FBRSL1: variants seen among roughly 807,000 people sequenced by gnomAD.
FBRSL1 encodes fibrosin-1-like protein.
A neutral mutation model predicts 89.6 loss-of-function variants in FBRSL1; 51 were observed. The observed-to-expected ratio is 0.57, with a 90% confidence interval of 0.45 to 0.72. The LOEUF (loss-of-function observed/expected upper bound fraction) is 0.72, where lower values mean the gene tolerates loss of function less well. Among genes scored for constraint, FBRSL1 ranks in the 30% least tolerant of loss-of-function variants. FBRSL1 has a pLI of 0.00. For missense variants in FBRSL1, 1,618 were observed against 1,451.8 expected (o/e 1.11, Z -1.86); for synonymous variants, 779 against 681.1 (o/e 1.14, Z -2.24).
At chr12:132,567,738 G>C (rs2039726277) in intron 6 of FBRSL1, among the ~76,000 whole-genome samples, 1 of 152,146 alleles carries the variant, frequency 6.6e-6, no homozygotes, top group Non-Finnish European at 1.5e-5. Context: ...GCAGGGCCTG[G>C]GCTCCGCTCG....
chr12:132,530,994 T>TGGG (rs55841528), intron 4 of FBRSL1, among the ~76,000 whole-genome samples: 41 of 86,674 alleles, frequency 4.7e-4, no homozygotes, highest in African/African-American at 1.6e-3. Context: ...GTGTCCAGTG[T>TGGG]GGGGGGGGGG....
intron 11 of FBRSL1, among the ~76,000 whole-genome samples, chr12:132,573,037 G>T (rs1056869124): frequency 6.6e-6 from 1 of 152,190 alleles, no homozygotes; most frequent in African/African-American, 2.4e-5. Flanking sequence ...GGGGACCCGG[G>T]CCTTACGGGG....
chr12:132,502,672 C>T (rs969310137), intron 1 of FBRSL1, among the ~76,000 whole-genome samples: 5 of 151,958 alleles, frequency 3.3e-5, no homozygotes, highest in African/African-American at 1.2e-4. Context: ...CTGCAGTCCT[C>T]ACACCAGCCT....
chr12:132,518,012 C>T (rs1023057232), intron 2 of FBRSL1, among the ~76,000 whole-genome samples: 6 of 152,030 alleles, frequency 3.9e-5, no homozygotes, highest in African/African-American at 7.3e-5. Flanking sequence ...CCAGAGCTGG[C>T]GGCACACACC....
At chr12:132,523,040 A>T (rs554169953) in intron 2 of FBRSL1, among the ~76,000 whole-genome samples, 1 of 152,256 alleles carries the variant, frequency 6.6e-6, no homozygotes, top group East Asian at 1.9e-4. Flanking sequence ...GCAGACCACA[A>T]GGCTGGGGTG....
rs184339754 is a variant in FBRSL1 at position 132,581,757 on chromosome 12, G to A, written c.1929G>A (p.Pro643=). ...TGPLTDPFSR[P]STFGGLGSLS... is the part of the protein sequence containing the mutation. ...CCCCCACAGACCCTTTCAGCAGACCGAGCACCTTTGGGGGCCTGGGCAGCC... is the reference window on the plus strand; with the variant it reads ...CCCCCACAGACCCTTTCAGCAGACCAAGCACCTTTGGGGGCCTGGGCAGCC... Residue 643 remains proline, a synonymous_variant, in exon 17 of 19, where the codon CCG becomes CCA. Transcript: ENST00000680143. 388 of 1,550,096 alleles carry A rather than the reference G, an allele frequency of 2.5e-4. 1 individual carries two copies. In the African/African-American group the frequency reaches 4.5e-3, roughly 18 times the overall value.
intron 5 of FBRSL1, among the ~76,000 whole-genome samples, chr12:132,558,415 G>A (rs563833565): frequency 6.6e-6 from 1 of 152,374 alleles, no homozygotes; most frequent in African/African-American, 2.4e-5. Context: ...ACAGGCTTCA[G>A]GGCCCTGTGG....
chr12:132,512,987 G>A (rs756356382), intron 2 of FBRSL1, among the ~76,000 whole-genome samples: 10 of 152,256 alleles, frequency 6.6e-5, no homozygotes, highest in Admixed American at 2.6e-4. Context: ...ACACCAGGGC[G>A]CTATGGTGCT....
chr12:132,511,470 C>T (rs541163088), intron 2 of FBRSL1: 47 of 986,062 alleles, frequency 4.8e-5, no homozygotes, highest in South Asian at 9.4e-5. Context: ...CAGCCCCACT[C>T]GAGTCTTCTG....
At position 132,570,137 on chromosome 12, in the gene FBRSL1, GCCACCCCCGCAGCCC is replaced by G; in HGVS notation, c.905_919del (p.Pro302_Pro306del). The G allele has an allele frequency of 6.8e-7, 1 of 1,473,630 alleles. No individual in the cohort carries two copies. The highest frequency in any genetic ancestry group is 8.9e-7 in the Non-Finnish European group (1 of 1,121,402). 91.3% of individuals were successfully genotyped at this position (1,473,630 alleles called of 1,614,324 possible). On this transcript the variant is annotated inframe_deletion, in exon 7 of 19. Transcript: ENST00000680143. ...CCCCGCACCGCCACACCCCGCAGCC[GCCACCCCCGCAGCCC>G]CGCGGCCTGCTCCCGACACACGTGC... is the stretch of plus-strand genomic sequence containing the variant.
intron 11 of FBRSL1, 33 bp from the exon 12 acceptor site, chr12:132,574,057 A>T: frequency 8.2e-7 from 1 of 1,223,800 alleles, no homozygotes; most frequent in South Asian, 2.5e-5. Flanking sequence ...GGGCGGCCCC[A>T]GGCGCACACA....
At chr12:132,576,768 C>T in intron 14 of FBRSL1, 31 bp from the exon 15 acceptor site, 1 of 1,542,196 alleles carries the variant, frequency 6.5e-7, no homozygotes, top group Non-Finnish European at 8.8e-7. Flanking sequence ...AGTCCCCGGG[C>T]AGGCGGCCCT....
At chr12:132,582,287 G>C (rs757617989) in intron 18 of FBRSL1, 21 bp downstream of exon 18, 1 of 1,544,128 alleles carries the variant, frequency 6.5e-7, no homozygotes, top group Non-Finnish European at 8.8e-7. Flanking sequence ...CTCTTGTTCC[G>C]TATCCCCACC....
chr12:132,578,920 G>C (rs2040561406), intron 15 of FBRSL1, among the ~76,000 whole-genome samples: 1 of 152,260 alleles, frequency 6.6e-6, no homozygotes, highest in Non-Finnish European at 1.5e-5. Context: ...GGCTTTCTCA[G>C]AAAGCAGAAG....
rs55841528 is a variant in FBRSL1, at chr12:132,530,994, TGG to T, written c.615+3016_615+3017del. Among the ~76,000 whole-genome samples, 579 of 86,674 alleles carry T rather than the reference TGG, an allele frequency of 6.7e-3. 9 individuals carry two copies. The highest frequency in any genetic ancestry group is 0.019 in the Middle Eastern group (3 of 154). The allele number at this position is 86,674 out of a possible 152,430, so 56.9% of individuals were successfully genotyped here. A position where few individuals can be genotyped will look rare whatever the true frequency, so the allele number is the denominator to read the frequency against. On this transcript the variant is annotated intron_variant, in intron 4 of 18. Transcript: ENST00000680143. Reference sequence around the variant, plus strand: ...CCCTGCGGGCCCCTTGTGTCCAGTGTGGGGGGGGGGGTGCAGGTGAGAGCCCG... The same window carrying T: ...CCCTGCGGGCCCCTTGTGTCCAGTGTGGGGGGGGGTGCAGGTGAGAGCCCG...
In FBRSL1 at chr12:132,527,949, G is replaced by C. The variant is rs1451336292; in HGVS notation, c.580-4G>C. 6.4e-7 allele frequency: 1 copy of C among 1,551,280 alleles called. No individual in the cohort carries two copies. The highest frequency in any genetic ancestry group is 2.0e-5 in the Admixed American group (1 of 50,992). ...CACTGACTGTCCCCTCTTCCTTCCT[G>C]CAGAGCTCTGCGCATGCGGTCTCGG... is the stretch of plus-strand genomic sequence containing the variant. On this transcript the variant is annotated splice_region_variant and splice_polypyrimidine_tract_variant and intron_variant, in intron 3 of 18. Coordinates refer to ENST00000680143, the MANE Select transcript of FBRSL1 (RefSeq NM_001367871.1).
intron 4 of FBRSL1, among the ~76,000 whole-genome samples, chr12:132,535,889 C>T (rs934844837): frequency 1.4e-5 from 2 of 140,134 alleles, no homozygotes; most frequent in Admixed American, 7.1e-5. Flanking sequence ...TGCACGTGTC[C>T]ATGGTGTGTG....
At chr12:132,566,960 C>A (rs1008335194) in intron 5 of FBRSL1, among the ~76,000 whole-genome samples, 1 of 152,256 alleles carries the variant, frequency 6.6e-6, no homozygotes, top group African/African-American at 2.4e-5. Flanking sequence ...TGCCCTGCAG[C>A]CTTGCGGACC....
At chr12:132,490,938 ACCCC>A in intron 1 of FBRSL1, 77 bp downstream of exon 1, 1 of 1,098,828 alleles carries the variant, frequency 9.1e-7, no homozygotes. Flanking sequence ...CGATCCCGGG[ACCCC>A]TGGGCTTGCG....
Sources: allele counts gnomAD v4.1 joint callset (sites outside exome capture counted in the v4.1 genomes callset), GRCh38; gene constraint gnomAD v4.1.1; transcripts MANE v1.5; gene names NCBI Gene and HGNC (gene_info 2026-07-23, HGNC 2026-07-21).